The following ASTN1 variants were observed in gnomAD, a reference collection of about 807,000 sequenced individuals.
ASTN1 encodes the protein astrotactin-1.
A neutral mutation model predicts 140.7 loss-of-function variants in ASTN1; 41 were observed. The ratio of observed to expected loss-of-function variants is 0.29; its 90% CI spans 0.23 to 0.38. The LOEUF (loss-of-function observed/expected upper bound fraction) is 0.38, where lower values mean the gene tolerates loss of function less well. ASTN1 is among the 10% of genes least tolerant of loss of function. ASTN1 has a pLI of 1.00. For missense variants in ASTN1, 1,479 were observed against 1,678.8 expected (o/e 0.88, Z 2.08); for synonymous variants, 640 against 652.2 (o/e 0.98, Z 0.29).
chr1:176,958,841 C>T (rs932319247), intron 9 of ASTN1, among the ~76,000 whole-genome samples: 4 of 152,190 alleles, frequency 2.6e-5, no homozygotes, highest in Non-Finnish European at 5.9e-5. Context: ...AACCTCCCAC[C>T]GTCCCCATCC....
Position 176,861,494 on chromosome 1 carries a change from G to A in ASTN1, c.*2790C>T, listed in dbSNP as rs912671452. On this transcript the variant is annotated 3_prime_UTR_variant, in exon 23 of 23. Coordinates refer to ENST00000361833, the MANE Select transcript of ASTN1 (RefSeq NM_004319.3). ...CAGTACCATCACCCTTTCTAGCCAGGATGGGTTCCTTCAGGTAAGCATTAG... is the reference window on the plus strand; with the variant it reads ...CAGTACCATCACCCTTTCTAGCCAGAATGGGTTCCTTCAGGTAAGCATTAG... 1 of 985,756 alleles carries A rather than the reference G, an allele frequency of 1.0e-6. No individual in the cohort carries two copies. Among genetic ancestry groups the A allele is most frequent in the African/African-American group, 1.7e-5 (1 of 57,218 alleles). The allele number at this position is 985,756 out of a possible 1,614,324, so 61.1% of individuals were successfully genotyped here.
chr1:176,892,423 G>A (rs561772804), intron 17 of ASTN1, among the ~76,000 whole-genome samples: 58 of 152,242 alleles, frequency 3.8e-4, no homozygotes, highest in African/African-American at 1.4e-3. Flanking sequence ...GTGATAAAAT[G>A]GATGTTGGGA....
chr1:176,995,380 G>A (rs1036667208), intron 8 of ASTN1, among the ~76,000 whole-genome samples: 2 of 152,258 alleles, frequency 1.3e-5, no homozygotes, highest in Non-Finnish European at 2.9e-5. Flanking sequence ...ATTAAGACTC[G>A]ATAGCATCAG....
chr1:177,104,121 C>G (rs1396452823), intron 1 of ASTN1, among the ~76,000 whole-genome samples: 2 of 151,998 alleles, frequency 1.3e-5, no homozygotes, highest in South Asian at 2.1e-4. Context: ...CAATGCCCAC[C>G]AACATCCTAA....
intron 9 of ASTN1, among the ~76,000 whole-genome samples, chr1:176,962,533 G>A (rs577258874): frequency 3.3e-5 from 5 of 152,162 alleles, no homozygotes; most frequent in African/African-American, 1.2e-4. Context: ...TCATTTCATT[G>A]GGGAAAAATA....
At chr1:176,946,373 T>G (rs556265826) in intron 12 of ASTN1, among the ~76,000 whole-genome samples, 2 of 152,248 alleles carry the variant, frequency 1.3e-5, no homozygotes, top group East Asian at 1.9e-4. Context: ...AACTTTAGAG[T>G]AGCCTCTCCT....
At chr1:177,100,820 T>C (rs568952588) in intron 1 of ASTN1, among the ~76,000 whole-genome samples, 3 of 152,284 alleles carry the variant, frequency 2.0e-5, no homozygotes, top group Admixed American at 2.0e-4. Flanking sequence ...CGGCTGGGCA[T>C]GGTGGCTCGT....
At position 176,864,155 on chromosome 1, in the gene ASTN1, C is replaced by T. The variant is rs1668054821; in HGVS notation, c.*129G>A. 2.7e-6 allele frequency: 4 copies of T among 1,498,586 alleles called. No homozygotes were observed. Among genetic ancestry groups the T allele is most frequent in the Non-Finnish European group, 3.5e-6 (4 of 1,132,036 alleles). 92.8% of individuals were successfully genotyped at this position (1,498,586 alleles called of 1,614,324 possible). A position where few individuals can be genotyped will look rare whatever the true frequency, so the allele number is the denominator to read the frequency against. On this transcript the variant is annotated 3_prime_UTR_variant, in exon 23 of 23. Transcript: ENST00000361833. Reference sequence around the variant, plus strand: ...CTGCAGGGAGCAAGGATCACTTTCTCCCTGGTTTCGATGTTGCTGTGGAGG... The same window carrying T: ...CTGCAGGGAGCAAGGATCACTTTCTTCCTGGTTTCGATGTTGCTGTGGAGG...
rs111753915 is a variant in ASTN1, at chr1:177,159,652, A to T, written c.283+4742T>A. ...TCTAAGCACAAGACCACCCAATACA[A>T]AGATCACTGGCTTTGGACAAGTAGC... On this transcript the variant is annotated intron_variant, in intron 1 of 22. Coordinates refer to ENST00000361833, the MANE Select transcript of ASTN1 (RefSeq NM_004319.3). 2.0e-5 allele frequency among the ~76,000 whole-genome samples: 3 copies of T among 152,354 alleles called. No individual in the cohort carries two copies. The South Asian group carries it at 6.2e-4, about 32-fold the overall frequency.
intron 2 of ASTN1, among the ~76,000 whole-genome samples, chr1:177,058,296 C>G (rs574821600): frequency 2.0e-5 from 3 of 152,136 alleles, no homozygotes; most frequent in Admixed American, 1.3e-4. Flanking sequence ...TGTCCACATA[C>G]AAGAGGCCAA....
chr1:176,958,443 G>A lies in ASTN1; in HGVS notation c.1638C>T (p.Leu546=), dbSNP rs748835538. ...YTLGEGMWLP[L]SKSFVIPPAE... ...CTGGTGGAATCACAAAGCTCTTGCT[G>A]AGGGGCAACCACATGCCCTCCCCAA... Residue 546 remains leucine (L), a synonymous_variant, in exon 10 of 23, where the codon CTC becomes CTT. Transcript: ENST00000361833. 4.3e-6 allele frequency: 7 copies of A among 1,613,926 alleles called. 1 individual carries two copies. The South Asian group carries it at 5.5e-5, about 13-fold the overall frequency.
intron 1 of ASTN1, among the ~76,000 whole-genome samples, chr1:177,061,807 G>C (rs1001431987): frequency 7.2e-5 from 11 of 152,232 alleles, no homozygotes; most frequent in Admixed American, 7.2e-4. Flanking sequence ...TTGCTGCATA[G>C]TCCACTGGAG....
intron 14 of ASTN1, among the ~76,000 whole-genome samples, chr1:176,942,810 T>TTGTG (rs201860134): frequency 3.8e-4 from 27 of 70,290 alleles, no homozygotes; most frequent in South Asian, 3.0e-3. Context: ...CCAATGTACT[T>TTGTG]TGTGTGTGTG....
chr1:176,917,424 T>C (rs751217098), intron 16 of ASTN1, among the ~76,000 whole-genome samples: 72 of 152,206 alleles, frequency 4.7e-4, no homozygotes, highest in Non-Finnish European at 9.6e-4. Flanking sequence ...AAAACTGTTC[T>C]GTGGATGACC....
intron 1 of ASTN1, among the ~76,000 whole-genome samples, chr1:177,118,857 G>T (rs368533211): frequency 5.3e-4 from 80 of 152,258 alleles, no homozygotes; most frequent in African/African-American, 1.9e-3. Flanking sequence ...CTTCTAGTTG[G>T]GGGACTGTGG....
intron 1 of ASTN1, among the ~76,000 whole-genome samples, chr1:177,098,474 C>A (rs1442639342): frequency 6.6e-6 from 1 of 152,140 alleles, no homozygotes; most frequent in Non-Finnish European, 1.5e-5. Context: ...ATTTTCTTTT[C>A]TGAACCCTCC....
intron 1 of ASTN1, among the ~76,000 whole-genome samples, chr1:177,139,715 G>A (rs1036427224): frequency 1.4e-4 from 21 of 152,108 alleles, no homozygotes; most frequent in Non-Finnish European, 2.8e-4. Flanking sequence ...TGTCTACAGA[G>A]AGCATCAAGA....
intron 14 of ASTN1, among the ~76,000 whole-genome samples, chr1:176,942,822 ATATATATATATATG>A (rs761677557): frequency 0.037 from 797 of 21,622 alleles, 87 homozygotes; most frequent in Middle Eastern, 0.12. Flanking sequence ...GTGTGTGTGT[ATATATATATATATG>A]TATATATATA....
At chr1:177,056,542 T>C (rs1234772326) in intron 2 of ASTN1, among the ~76,000 whole-genome samples, 1 of 149,602 alleles carries the variant, frequency 6.7e-6, no homozygotes, top group East Asian at 2.0e-4. Context: ...CCAGTGGGAG[T>C]TATCAATACA....
Sources: allele counts gnomAD v4.1 joint callset (sites outside exome capture counted in the v4.1 genomes callset), GRCh38; gene constraint gnomAD v4.1.1; transcripts MANE v1.5; gene names NCBI Gene and HGNC (gene_info 2026-07-23, HGNC 2026-07-21).